The following ADAMTS20 variants were observed in gnomAD, a reference collection of about 807,000 sequenced individuals.
ADAMTS20 encodes ADAM metallopeptidase with thrombospondin type 1 motif 20.
ADAMTS20 carries 225 observed loss-of-function variants against 260.1 expected under a neutral mutation model. That is an observed-to-expected ratio of 0.87 (90% CI 0.78 to 0.97). The LOEUF (loss-of-function observed/expected upper bound fraction) is 0.97. ADAMTS20 is among the 50% of genes least tolerant of loss of function. The pLI, the probability that ADAMTS20 is intolerant of heterozygous loss-of-function variation, is 0.00. For synonymous variants in ADAMTS20, 802 were observed against 769.5 expected (o/e 1.04, Z -0.70); for missense variants, 2,400 against 2,337.7 (o/e 1.03, Z -0.55).
At chr12:43,434,221 T>C (rs761032492) in intron 19 of ADAMTS20, 24 bp downstream of exon 19, 64 of 1,549,930 alleles carry the variant, frequency 4.1e-5, no homozygotes, top group Non-Finnish European at 5.4e-5. Context: ...AATCTGGTTA[T>C]ATTACATATT....
At chr12:43,523,489 G>A (rs919924004) in intron 3 of ADAMTS20, among the ~76,000 whole-genome samples, 15 of 152,262 alleles carry the variant, frequency 9.9e-5, no homozygotes, top group African/African-American at 3.4e-4. Context: ...AAAGAGTGCA[G>A]GAGTTGGGTA....
In ADAMTS20 at chr12:43,551,802, C is replaced by A. The variant is rs1464897950; in HGVS notation, c.91+29G>T. On this transcript the variant is annotated intron_variant, in intron 1 of 38. Coordinates refer to ENST00000389420, the MANE Select transcript of ADAMTS20 (RefSeq NM_025003.5). The surrounding 1 kb of genome is among the most constrained non-coding windows in gnomAD (Gnocchi z 4.6). ...ACTCGGGCCCCGCGCCCCCACTTAG[C>A]CGCTGAAGGCGTCTCGCGGTGACTT... is the stretch of plus-strand genomic sequence containing the variant. 5.6e-6 allele frequency: 9 copies of A among 1,611,148 alleles called. No homozygotes were observed. Among genetic ancestry groups the A allele is most frequent in the Non-Finnish European group, 6.8e-6 (8 of 1,178,310 alleles).
rs1325516629 is a variant in ADAMTS20, at chr12:43,511,182, A to C, written c.614-8777T>G. On this transcript the variant is annotated intron_variant, in intron 3 of 38. Coordinates refer to ENST00000389420, the MANE Select transcript of ADAMTS20 (RefSeq NM_025003.5). ...TCTCACCTCAGAACATTATTAGAAT[A>C]ATGAATACAAAATTAGACACGGAGT... Among the ~76,000 whole-genome samples the C allele has an allele frequency of 2.0e-5, 3 of 152,234 alleles. No individual in the cohort carries two copies. In the South Asian group the frequency reaches 6.2e-4, roughly 32 times the overall value.
intron 4 of ADAMTS20, among the ~76,000 whole-genome samples, chr12:43,499,444 T>C (rs1246397867): frequency 6.6e-6 from 1 of 152,006 alleles, no homozygotes; most frequent in African/African-American, 2.4e-5. Context: ...ACTTTAGTTA[T>C]CTCAAAGTAT....
At position 43,377,575 on chromosome 12, in the gene ADAMTS20, T is replaced by A; in HGVS notation, c.4798-13A>T. On this transcript the variant is annotated splice_polypyrimidine_tract_variant and intron_variant, in intron 31 of 38. Coordinates refer to ENST00000389420, the MANE Select transcript of ADAMTS20 (RefSeq NM_025003.5). ...AGTTGTTTGCACACTGAAAAATACA[T>A]AATTACAAGAAAGAAAATGTCATTA... 3.8e-6 allele frequency: 6 copies of A among 1,595,560 alleles called. No individual in the cohort carries two copies. Among genetic ancestry groups the A allele is most frequent in the Non-Finnish European group, 5.1e-6 (6 of 1,167,758 alleles).
intron 19 of ADAMTS20, among the ~76,000 whole-genome samples, chr12:43,433,312 T>C (rs181798704): frequency 6.6e-6 from 1 of 152,328 alleles, no homozygotes; most frequent in Non-Finnish European, 1.5e-5. Flanking sequence ...AAAACATGTC[T>C]TCCACAAGTA....
chr12:43,502,457 A>T (rs1942782948), intron 3 of ADAMTS20, 52 bp from the exon 4 acceptor site: 1 of 1,534,484 alleles, frequency 6.5e-7, no homozygotes, highest in Admixed American at 2.3e-5. Flanking sequence ...GATGTGACGA[A>T]AAATATCGCA....
intron 2 of ADAMTS20, among the ~76,000 whole-genome samples, chr12:43,532,540 CT>C (rs11389735): frequency 0.028 from 3,952 of 141,504 alleles, 111 homozygotes; most frequent in East Asian, 0.14. Flanking sequence ...AAAATAGATA[CT>C]TTTTTTTTTT....
intron 7 of ADAMTS20, among the ~76,000 whole-genome samples, chr12:43,480,447 G>A (rs1391558923): frequency 2.0e-5 from 3 of 152,116 alleles, no homozygotes; most frequent in African/African-American, 7.2e-5. Flanking sequence ...TATATACCCA[G>A]GAGTGGGATT....
chr12:43,520,119 G>C lies in ADAMTS20; in HGVS notation c.613+11917C>G, dbSNP rs79776718. ...AAAAAATAAATTAGGCACAAAAAAG[G>C]CTTCTTTTGGAGGATGTAGGTGAAG... On this transcript the variant is annotated intron_variant, in intron 3 of 38. Transcript: ENST00000389420. Among the ~76,000 whole-genome samples, 35 of 152,124 alleles carry C rather than the reference G, an allele frequency of 2.3e-4. 1 individual carries two copies. The highest frequency in any genetic ancestry group is 5.3e-4 in the African/African-American group (22 of 41,508).
rs945447596 is a variant in ADAMTS20, at chr12:43,399,590, T to C, written c.4285-357A>G. Among the ~76,000 whole-genome samples, 8 of 152,296 alleles carry C rather than the reference T, an allele frequency of 5.3e-5. No homozygotes were observed. In the South Asian group the frequency reaches 1.7e-3, roughly 32 times the overall value. ...ATCCAATAAAACTTGTATTCAATCT[T>C]GTAGCATCAATACCCATTCTATTTT... is the stretch of plus-strand genomic sequence containing the variant. On this transcript the variant is annotated intron_variant, in intron 28 of 38. Coordinates refer to ENST00000389420, the MANE Select transcript of ADAMTS20 (RefSeq NM_025003.5).
At chr12:43,365,362 C>T (rs1184561333) in intron 37 of ADAMTS20, among the ~76,000 whole-genome samples, 1 of 151,950 alleles carries the variant, frequency 6.6e-6, no homozygotes, top group Non-Finnish European at 1.5e-5. Flanking sequence ...ATAAAATACG[C>T]TATAATTGCA....
intron 18 of ADAMTS20, among the ~76,000 whole-genome samples, chr12:43,438,964 A>C (rs541327284): frequency 6.6e-6 from 1 of 152,338 alleles, no homozygotes; most frequent in South Asian, 2.1e-4. Context: ...TAAAACATGA[A>C]TTCAGAATTG....
intron 29 of ADAMTS20, 68 bp from the exon 30 acceptor site, chr12:43,384,045 G>T: frequency 7.2e-7 from 1 of 1,389,354 alleles, no homozygotes; most frequent in Non-Finnish European, 9.6e-7. Context: ...AGTAGCCAAT[G>T]GAGCCATTAC....
At chr12:43,433,823 C>CA in intron 19 of ADAMTS20, 1 of 476,584 alleles carries the variant, frequency 2.1e-6, no homozygotes, top group Non-Finnish European at 4.2e-6. Context: ...GTTTAATGGA[C>CA]AAAATACTGA....
At position 43,524,903 on chromosome 12, in the gene ADAMTS20, A is replaced by T. The variant is rs148978087; in HGVS notation, c.613+7133T>A. On this transcript the variant is annotated intron_variant, in intron 3 of 38. Coordinates refer to ENST00000389420, the MANE Select transcript of ADAMTS20 (RefSeq NM_025003.5). ...ATTAGGTAAAATAGCCAAACCTAAG[A>T]ATAAATGGTGTTTATGAGTGGGAAG... is the stretch of plus-strand genomic sequence containing the variant. Among the ~76,000 whole-genome samples the T allele has an allele frequency of 4.8e-4, 73 of 152,354 alleles. No homozygotes were observed. In the East Asian group the frequency reaches 0.013, roughly 27 times the overall value.
At chr12:43,537,255 A>G (rs1229797719) in intron 2 of ADAMTS20, among the ~76,000 whole-genome samples, 1 of 151,278 alleles carries the variant, frequency 6.6e-6, no homozygotes, top group Non-Finnish European at 1.5e-5. Context: ...GGGTTTCACT[A>G]TGTTGCCCAG....
chr12:43,503,066 T>C (rs1395557334), intron 3 of ADAMTS20, among the ~76,000 whole-genome samples: 1 of 152,200 alleles, frequency 6.6e-6, no homozygotes, highest in South Asian at 2.1e-4. Context: ...TGAAGTAATA[T>C]GCATTTAAGT....
intron 37 of ADAMTS20, among the ~76,000 whole-genome samples, chr12:43,357,756 A>G (rs1939775639): frequency 1.3e-5 from 2 of 152,212 alleles, no homozygotes; most frequent in South Asian, 2.1e-4. Context: ...ACAGGGCCTA[A>G]GTTCTCAATA....
Sources: gnomAD v4.1 joint callset for allele counts (sites outside exome capture counted in the v4.1 genomes callset) on GRCh38, gnomAD v4.1.1 for gene constraint, Gnocchi (gnomAD v3.1) non-coding constraint, MANE v1.5 for transcripts, NCBI Gene and HGNC (gene_info 2026-07-23, HGNC 2026-07-21) for gene names.